VWA8: variants seen among roughly 807,000 people sequenced by gnomAD.
VWA8 encodes von Willebrand factor A domain-containing protein 8.
In VWA8, 221 loss-of-function variants were observed where a neutral mutation model predicts 241.5. The ratio of observed to expected loss-of-function variants is 0.91; its 90% CI spans 0.82 to 1.02. The LOEUF (loss-of-function observed/expected upper bound fraction) is 1.02, where lower values mean the gene tolerates loss of function less well. Ranked by LOEUF, VWA8 falls within the 50% of genes least tolerant of loss-of-function variation. The pLI is 0.00. For missense variants in VWA8, 2,322 were observed against 2,328.7 expected (o/e 1.00, Z 0.06); for synonymous variants, 852 against 827.1 (o/e 1.03, Z -0.52).
chr13:41,632,350 G>C (rs2044731932), intron 37 of VWA8, among the ~76,000 whole-genome samples: 1 of 152,084 alleles, frequency 6.6e-6, no homozygotes, highest in African/African-American at 2.4e-5. Context: ...AGGTGTTAAG[G>C]GTACCGGGAA....
intron 21 of VWA8, among the ~76,000 whole-genome samples, chr13:41,746,552 T>C (rs568370663): frequency 1.3e-5 from 2 of 152,138 alleles, no homozygotes; most frequent in Admixed American, 1.3e-4. Context: ...GGGAGGAACA[T>C]CATCTAAAGG....
rs148551844 is a variant in VWA8 at position 41,819,248 on chromosome 13, T to G, written c.1839A>C (p.Lys613Asn). The change falls in exon 15 of 45, where the codon AAA becomes AAC. Residue 613 changes from lysine (K) to asparagine (N), a missense_variant. Physicochemically the swap from Lys to Asn is moderately conservative, Grantham distance 94 (BLOSUM62 0). Coordinates refer to ENST00000379310, the MANE Select transcript of VWA8 (RefSeq NM_015058.2). ...FFFHYMKPLV[K>N]SEEIQVIKEK... The stretch of plus-strand genomic sequence containing the variant: ...CCTTAATCACTTGGATTTCTTCACT[T>G]TTCACAAGTGGTTTCATGTAATGGA... 1.9e-6 allele frequency: 3 copies of G among 1,609,678 alleles called. No homozygotes were observed. Among genetic ancestry groups the G allele is most frequent in the Middle Eastern group, 1.6e-4 (1 of 6,082 alleles).
intron 40 of VWA8, among the ~76,000 whole-genome samples, chr13:41,595,039 C>T (rs576699010): frequency 3.3e-5 from 5 of 152,212 alleles, no homozygotes; most frequent in Admixed American, 6.5e-5. Context: ...TAAAACTAGA[C>T]GAAGTTGAGA....
intron 2 of VWA8, among the ~76,000 whole-genome samples, chr13:41,923,396 G>C (rs1876660349): frequency 6.6e-6 from 1 of 152,068 alleles, no homozygotes. Flanking sequence ...TAACTAACCT[G>C]CACGTTGTGC....
At chr13:41,718,886 T>C (rs1022901215) in intron 26 of VWA8, among the ~76,000 whole-genome samples, 2 of 151,902 alleles carry the variant, frequency 1.3e-5, no homozygotes, top group Non-Finnish European at 2.9e-5. Context: ...ACTATTTTTA[T>C]AGACAAAGAT....
chr13:41,777,982 C>T lies in VWA8; in HGVS notation c.2349+3G>A, dbSNP rs774208700. ...TGGTACCTAGATTTTAGCCATAACTCACCTGGTTGCCAACCAATAATAAGT... is the reference window on the plus strand; with the variant it reads ...TGGTACCTAGATTTTAGCCATAACTTACCTGGTTGCCAACCAATAATAAGT... On this transcript the variant is annotated splice_donor_region_variant and intron_variant, in intron 20 of 44. Transcript: ENST00000379310. 6.2e-7 allele frequency: 1 copy of T among 1,607,958 alleles called. No homozygotes were observed. Among genetic ancestry groups the T allele is most frequent in the South Asian group, 1.1e-5 (1 of 89,848 alleles).
At chr13:41,891,282 A>G (rs1874825690) in intron 5 of VWA8, 138 bp downstream of exon 5, 1 of 983,030 alleles carries the variant, frequency 1.0e-6, no homozygotes, top group Admixed American at 2.5e-5. Context: ...CTGTAAATTC[A>G]TGACTCTAGC....
At chr13:41,799,415 A>G (rs766700467) in intron 17 of VWA8, among the ~76,000 whole-genome samples, 1 of 152,172 alleles carries the variant, frequency 6.6e-6, no homozygotes, top group Non-Finnish European at 1.5e-5. Context: ...CCTGCACCTG[A>G]GCAATGTGGG....
intron 13 of VWA8, 25 bp downstream of exon 13, chr13:41,833,346 T>A: frequency 6.3e-6 from 10 of 1,586,376 alleles, no homozygotes; most frequent in Non-Finnish European, 8.6e-6. Flanking sequence ...TGTGTCTGTG[T>A]GTGATTTTTG....
At chr13:41,672,567 T>G (rs1426757042) in intron 36 of VWA8, among the ~76,000 whole-genome samples, 1 of 152,192 alleles carries the variant, frequency 6.6e-6, no homozygotes, top group Non-Finnish European at 1.5e-5. Flanking sequence ...TTAGGTAAAT[T>G]CTTATAATAT....
intron 32 of VWA8, among the ~76,000 whole-genome samples, chr13:41,691,031 G>A (rs1176805520): frequency 1.3e-5 from 2 of 152,048 alleles, no homozygotes; most frequent in Non-Finnish European, 2.9e-5. Context: ...AGTTTAGCAA[G>A]AATACAGTGA....
At chr13:41,667,882 T>C (rs1195886908) in intron 37 of VWA8, among the ~76,000 whole-genome samples, 2 of 152,224 alleles carry the variant, frequency 1.3e-5, no homozygotes, top group Non-Finnish European at 2.9e-5. Context: ...GTTATGGTTA[T>C]TTATTATAGG....
Position 41,614,993 on chromosome 13 carries a change from G to T in VWA8, c.4703C>A (p.Thr1568Asn). Residue 1568 changes from threonine to asparagine, a missense_variant, in exon 38 of 45, where the codon ACT becomes AAT. By Grantham distance (65) the Thr-to-Asn change is moderately conservative (BLOSUM62 0). Coordinates refer to ENST00000379310, the MANE Select transcript of VWA8 (RefSeq NM_015058.2). ...PDNMPHVGGN[T>N]WAGGTGGRDT... ...CTACCAACCTGTTCCGCCAGCCCAA[G>T]TGTTGCCGCCCACGTGAGGCATGTT... is the stretch of plus-strand genomic sequence containing the variant. 1.2e-6 allele frequency: 2 copies of T among 1,613,482 alleles called. No homozygotes were observed. Among genetic ancestry groups the T allele is most frequent in the Non-Finnish European group, 1.7e-6 (2 of 1,179,944 alleles).
intron 37 of VWA8, among the ~76,000 whole-genome samples, chr13:41,633,288 A>G (rs2044737315): frequency 2.0e-5 from 3 of 152,218 alleles, no homozygotes; most frequent in Admixed American, 2.0e-4. Flanking sequence ...AGGTGTAAAC[A>G]TCTGGAGGGA....
chr13:41,692,327 A>G (rs2045183837), intron 30 of VWA8, among the ~76,000 whole-genome samples: 1 of 152,058 alleles, frequency 6.6e-6, no homozygotes, highest in African/African-American at 2.4e-5. Context: ...TTTAAGACCT[A>G]AGTATGTTGA....
chr13:41,675,092 T>A, intron 36 of VWA8, 123 bp downstream of exon 36: 1 of 594,756 alleles, frequency 1.7e-6, no homozygotes, highest in Non-Finnish European at 2.9e-6. Context: ...CAACTGTAAC[T>A]GGAAAAAAAA....
rs148071339 is a variant in VWA8, at chr13:41,833,487, T to C, written c.1470A>G (p.Pro490=). 36 of 1,613,772 alleles carry C rather than the reference T, an allele frequency of 2.2e-5. No individual in the cohort carries two copies. The highest frequency in any genetic ancestry group is 3.0e-5 in the Non-Finnish European group (35 of 1,179,896). ...RDLLQQRYTL[P]NGDTAWRSSP... ...AGGACCGCCAGGCAGTGTCTCCATT[T>C]GGAAGGGTGTATCTCTGCTGTAGCA... is the stretch of plus-strand genomic sequence containing the variant. Residue 490 remains proline, a synonymous_variant, in exon 13 of 45, where the codon CCA becomes CCG. Coordinates refer to ENST00000379310, the MANE Select transcript of VWA8 (RefSeq NM_015058.2).
intron 20 of VWA8, among the ~76,000 whole-genome samples, chr13:41,765,754 T>C (rs1316643393): frequency 2.0e-5 from 3 of 152,172 alleles, no homozygotes; most frequent in Admixed American, 6.5e-5. Context: ...TTACTAAAAA[T>C]TCCATTTATA....
chr13:41,859,465 C>T (rs191634485), intron 12 of VWA8, among the ~76,000 whole-genome samples: 18 of 152,220 alleles, frequency 1.2e-4, no homozygotes, highest in African/African-American at 3.9e-4. Flanking sequence ...CATAAACTTA[C>T]GTGCACTTGA....
Sources: allele counts gnomAD v4.1 joint callset (sites outside exome capture counted in the v4.1 genomes callset), GRCh38; gene constraint gnomAD v4.1.1; transcripts MANE v1.5; gene names NCBI Gene and HGNC (gene_info 2026-07-23, HGNC 2026-07-21).